CSMD3: variants seen among roughly 807,000 people sequenced by gnomAD.
CSMD3 encodes CUB and sushi domain-containing protein 3.
In CSMD3, 177 loss-of-function variants were observed where a neutral mutation model predicts 435.2. That is an observed-to-expected ratio of 0.41 (90% CI 0.36 to 0.46). The LOEUF (loss-of-function observed/expected upper bound fraction) is 0.46, where lower values mean the gene tolerates loss of function less well. Ranked by LOEUF, CSMD3 falls within the 20% of genes least tolerant of loss-of-function variation. CSMD3 has a pLI of 0.34. For missense variants in CSMD3, 4,265 were observed against 4,504.6 expected, an observed-to-expected ratio of 0.95 and a Z score of 1.52; for synonymous variants, 1,656 against 1,520.5, an observed-to-expected ratio of 1.09 and a Z score of -2.07.
At chr8:113,184,949 A>C (rs886990355) in intron 3 of CSMD3, among the ~76,000 whole-genome samples, 8 of 151,884 alleles carry the variant, frequency 5.3e-5, no homozygotes, top group African/African-American at 1.9e-4. Context: ...CAATGTCCAA[A>C]CTTTTTTCAC....
chr8:112,941,185 A>G (rs1211870582), intron 9 of CSMD3, among the ~76,000 whole-genome samples: 1 of 151,876 alleles, frequency 6.6e-6, no homozygotes, highest in Non-Finnish European at 1.5e-5. Context: ...ACGCTAAGAT[A>G]TAACATTCTA....
intron 3 of CSMD3, among the ~76,000 whole-genome samples, chr8:113,196,611 G>C (rs2092658737): frequency 1.3e-5 from 2 of 151,188 alleles, no homozygotes; most frequent in Admixed American, 1.3e-4. Flanking sequence ...AGAGAATCAA[G>C]GCTGAATTGG....
At chr8:113,314,328 A>C (rs2093893261) in intron 2 of CSMD3, 1 of 482,288 alleles carries the variant, frequency 2.1e-6, no homozygotes, top group African/African-American at 1.9e-5. Flanking sequence ...AGCCACTATA[A>C]AGAGATCACC....
intron 13 of CSMD3, among the ~76,000 whole-genome samples, chr8:112,735,372 T>C (rs1332299892): frequency 6.6e-6 from 1 of 151,952 alleles, no homozygotes; most frequent in Non-Finnish European, 1.5e-5. Flanking sequence ...CTTGAGTGTA[T>C]CAGATCCCAG....
chr8:113,184,272 C>T (rs975522066), intron 3 of CSMD3, among the ~76,000 whole-genome samples: 1 of 151,970 alleles, frequency 6.6e-6, no homozygotes. Context: ...GCACTTCATG[C>T]CCCATTCTTT....
At position 112,696,952 on chromosome 8, in the gene CSMD3, G is replaced by A. The variant is rs188764194; in HGVS notation, c.1973-6902C>T. On this transcript the variant is annotated intron_variant, in intron 13 of 70. Transcript: ENST00000297405. ...ACACTTCTCAAAAGAAGACATTTAT[G>A]CAGCCAACAAACACATGAAAAAAAT... is the stretch of plus-strand genomic sequence containing the variant. Among the ~76,000 whole-genome samples the A allele has an allele frequency of 2.1e-3, 318 of 152,264 alleles. 1 individual carries two copies. Among genetic ancestry groups the A allele is most frequent in the African/African-American group, 7.4e-3 (306 of 41,544 alleles).
intron 36 of CSMD3, among the ~76,000 whole-genome samples, chr8:112,386,719 T>A (rs554136011): frequency 6.6e-6 from 1 of 151,714 alleles, no homozygotes; most frequent in Non-Finnish European, 1.5e-5. Flanking sequence ...GGATGGTCGC[T>A]ATCTCCTGAC....
At chr8:112,898,345 A>G (rs1388906836) in intron 10 of CSMD3, among the ~76,000 whole-genome samples, 1 of 151,166 alleles carries the variant, frequency 6.6e-6, no homozygotes, top group Non-Finnish European at 1.5e-5. Flanking sequence ...TTGCTTTTGC[A>G]TTCATAAAAT....
chr8:113,103,273 CA>C (rs2090380981), intron 4 of CSMD3, among the ~76,000 whole-genome samples: 1 of 152,076 alleles, frequency 6.6e-6, no homozygotes, highest in Non-Finnish European at 1.5e-5. Context: ...GCTTAACATA[CA>C]GATAATACAG....
At chr8:112,786,447 T>C (rs1017700577) in intron 13 of CSMD3, among the ~76,000 whole-genome samples, 6 of 152,120 alleles carry the variant, frequency 3.9e-5, no homozygotes, top group Non-Finnish European at 7.4e-5. Flanking sequence ...TAAAAGCTTT[T>C]GCTGTGGCAA....
At chr8:113,147,184 T>A (rs924959811) in intron 4 of CSMD3, among the ~76,000 whole-genome samples, 2 of 151,686 alleles carry the variant, frequency 1.3e-5, no homozygotes, top group African/African-American at 4.8e-5. Flanking sequence ...ATAAAAGGAA[T>A]ATTATTGGAA....
At chr8:112,855,847 T>G (rs909260708) in intron 11 of CSMD3, among the ~76,000 whole-genome samples, 1 of 141,914 alleles carries the variant, frequency 7.0e-6, no homozygotes, top group Non-Finnish European at 1.5e-5. Flanking sequence ...GATCTGTCCC[T>G]GAGGAGCTAT....
In CSMD3 at chr8:112,263,683, C is replaced by A; in HGVS notation, c.9818G>T (p.Cys3273Phe). ...YELSFPAVLT[C>F]VGNGTWSGEV... ...ACCACTCCAGGTACCATTCCCTACA[C>A]AGGTCAAAACAGCAGGGAAGGATAG... Residue 3273 changes from cysteine to phenylalanine, a missense_variant, in exon 61 of 71, where the codon TGT becomes TTT. By Grantham distance (205) the Cys-to-Phe change is radical. Coordinates refer to ENST00000297405, the MANE Select transcript of CSMD3 (RefSeq NM_198123.2). 6.2e-7 allele frequency: 1 copy of A among 1,613,676 alleles called. No homozygotes were observed. Among genetic ancestry groups the A allele is most frequent in the Non-Finnish European group, 8.5e-7 (1 of 1,179,728 alleles).
chr8:112,943,687 A>T (rs1368035833), intron 9 of CSMD3, among the ~76,000 whole-genome samples: 1 of 151,622 alleles, frequency 6.6e-6, no homozygotes, highest in Non-Finnish European at 1.5e-5. Context: ...GGTGATTTCC[A>T]TATCTTATAT....
chr8:112,798,807 A>G (rs1223430375), intron 13 of CSMD3, among the ~76,000 whole-genome samples: 1 of 151,908 alleles, frequency 6.6e-6, no homozygotes, highest in Non-Finnish European at 1.5e-5. Flanking sequence ...CGTAAGATGG[A>G]GAAAATAACA....
At chr8:113,389,920 T>C (rs535039970) in intron 1 of CSMD3, among the ~76,000 whole-genome samples, 21 of 151,882 alleles carry the variant, frequency 1.4e-4, no homozygotes, top group South Asian at 8.3e-4. Context: ...GCATTTAGCA[T>C]AGTGACTGAC....
At chr8:113,067,485 T>C (rs1009282550) in intron 5 of CSMD3, among the ~76,000 whole-genome samples, 1 of 152,126 alleles carries the variant, frequency 6.6e-6, no homozygotes, top group African/African-American at 2.4e-5. Context: ...AAAATTTATA[T>C]AGTGTAAAGC....
At chr8:113,270,210 T>C (rs1385443235) in intron 3 of CSMD3, among the ~76,000 whole-genome samples, 11 of 151,540 alleles carry the variant, frequency 7.3e-5, no homozygotes, top group Non-Finnish European at 1.2e-4. Context: ...CATGAAAAAA[T>C]GCTCATCATC....
chr8:112,342,983 A>T (rs1293409355), intron 41 of CSMD3, among the ~76,000 whole-genome samples: 3 of 49,172 alleles, frequency 6.1e-5, no homozygotes, highest in Admixed American at 3.2e-4. Context: ...ATATATATAT[A>T]TATTTATATA....
Sources: gnomAD v4.1 joint callset for allele counts (sites outside exome capture counted in the v4.1 genomes callset) on GRCh38, gnomAD v4.1.1 for gene constraint, MANE v1.5 for transcripts, NCBI Gene and HGNC (gene_info 2026-07-23, HGNC 2026-07-21) for gene names.